The following B3GLCT variants were observed in gnomAD, a reference collection of about 807,000 sequenced individuals.
B3GLCT encodes beta-1,3-glucosyltransferase.
Under a neutral mutation model 63.4 loss-of-function variants are expected in B3GLCT, and 65 were observed. The ratio of observed to expected loss-of-function variants is 1.03; its 90% CI spans 0.84 to 1.26. The LOEUF is 1.26. Ranked by LOEUF, B3GLCT falls within the 50% of genes most tolerant of loss-of-function variation. B3GLCT has a pLI of 0.00. For missense variants in B3GLCT, 577 were observed against 604.8 expected (o/e 0.95, Z 0.48); for synonymous variants, 233 against 219.2 (o/e 1.06, Z -0.55).
At position 31,255,246 on chromosome 13, in the gene B3GLCT, G is replaced by A. The variant is rs575116338; in HGVS notation, c.460-5700G>A. ...ATACATAGGAATACAACTTACAAGG[G>A]ATGTGAAGGGCCTCTTCAAGCAGAA... On this transcript the variant is annotated intron_variant, in intron 6 of 14. Transcript: ENST00000343307. Among the ~76,000 whole-genome samples the A allele has an allele frequency of 2.0e-5, 3 of 152,198 alleles. No individual in the cohort carries two copies. In the East Asian group the frequency reaches 5.8e-4, roughly 29 times the overall value.
At chr13:31,205,357 G>T (rs1179207382) in intron 1 of B3GLCT, among the ~76,000 whole-genome samples, 1 of 151,830 alleles carries the variant, frequency 6.6e-6, no homozygotes, top group East Asian at 1.9e-4. Flanking sequence ...AGGAGTTCAG[G>T]ACCAGCCTGG....
At chr13:31,225,098 A>G (rs1438624495) in intron 3 of B3GLCT, among the ~76,000 whole-genome samples, 1 of 152,154 alleles carries the variant, frequency 6.6e-6, no homozygotes, top group Non-Finnish European at 1.5e-5. Context: ...ATCCTTTGCT[A>G]ATTTCTTTAT....
intron 12 of B3GLCT, among the ~76,000 whole-genome samples, chr13:31,293,372 C>T (rs1481012776): frequency 1.3e-5 from 2 of 152,056 alleles, no homozygotes; most frequent in African/African-American, 4.8e-5. Flanking sequence ...TTTTCTGTCT[C>T]GTTGATCTGT....
At chr13:31,260,639 A>C (rs1245123434) in intron 6 of B3GLCT, among the ~76,000 whole-genome samples, 1 of 152,230 alleles carries the variant, frequency 6.6e-6, no homozygotes, top group East Asian at 1.9e-4. Flanking sequence ...TCTTTGCCCT[A>C]ATAGTCTTTT....
chr13:31,212,136 C>T (rs564533235), intron 1 of B3GLCT, among the ~76,000 whole-genome samples: 2 of 151,504 alleles, frequency 1.3e-5, no homozygotes, highest in Admixed American at 6.6e-5. Context: ...GACAGAGTCT[C>T]GCTCTTGTCC....
chr13:31,207,845 T>G (rs1407541297), intron 1 of B3GLCT, among the ~76,000 whole-genome samples: 1 of 152,228 alleles, frequency 6.6e-6, no homozygotes, highest in Non-Finnish European at 1.5e-5. Context: ...TGAATTGTCC[T>G]GGCATCTTTC....
intron 7 of B3GLCT, among the ~76,000 whole-genome samples, chr13:31,264,481 G>A (rs1872196639): frequency 6.6e-6 from 1 of 151,164 alleles, no homozygotes; most frequent in African/African-American, 2.4e-5. Flanking sequence ...CCTCTGCCAG[G>A]AAAAAAAAGC....
chr13:31,329,419 C>G (rs1405600653), intron 14 of B3GLCT, 82 bp from the exon 15 acceptor site: 26 of 1,488,516 alleles, frequency 1.7e-5, no homozygotes, highest in Non-Finnish European at 2.2e-5. Context: ...GTAAAGCAGT[C>G]CACTTTATAA....
chr13:31,325,706 T>C (rs1158797435), intron 14 of B3GLCT, among the ~76,000 whole-genome samples: 1 of 152,240 alleles, frequency 6.6e-6, no homozygotes, highest in Admixed American at 6.5e-5. Context: ...CTTAAGCCTC[T>C]TTTAGAGAGT....
rs557908375 is a variant in B3GLCT at position 31,330,874 on chromosome 13, T to C, written c.*1206T>C. 24 of 152,342 alleles carry C rather than the reference T, an allele frequency of 1.6e-4. No homozygotes were observed. Among genetic ancestry groups the C allele is most frequent in the African/African-American group, 5.5e-4 (23 of 41,584 alleles). The allele number at this position is 152,342 out of a possible 1,614,324, so 9.4% of individuals were successfully genotyped here. A position where few individuals can be genotyped will look rare whatever the true frequency, so the allele number is the denominator to read the frequency against. The stretch of plus-strand genomic sequence containing the variant: ...AAAACTGTTACTCATTAACTTTGCT[T>C]ATAATGCTTTTTATAGCCCAGCACA... On this transcript the variant is annotated 3_prime_UTR_variant, in exon 15 of 15. Transcript: ENST00000343307.
intron 4 of B3GLCT, among the ~76,000 whole-genome samples, chr13:31,234,011 T>TC (rs1364299754): frequency 1.3e-5 from 2 of 150,976 alleles, no homozygotes; most frequent in South Asian, 2.1e-4. Flanking sequence ...GTTTTTCTTT[T>TC]TTTTTTTTCT....
intron 12 of B3GLCT, among the ~76,000 whole-genome samples, chr13:31,316,979 A>G (rs1411100669): frequency 6.6e-6 from 1 of 152,160 alleles, no homozygotes; most frequent in Non-Finnish European, 1.5e-5. Context: ...AGACACAAAA[A>G]GTTCTCAGAC....
Position 31,269,230 on chromosome 13 carries a change from A to T in B3GLCT, c.613A>T (p.Lys205Ter). 6.2e-7 allele frequency: 1 copy of T among 1,610,118 alleles called. No homozygotes were observed. The highest frequency in any genetic ancestry group is 8.5e-7 in the Non-Finnish European group (1 of 1,176,576). The change falls in exon 8 of 15, where the codon AAG becomes TAG. Residue 205 changes from lysine (K) to a stop codon, truncating the protein, a stop_gained. Transcript: ENST00000343307. LOFTEE classifies it high-confidence loss of function. ...ATTTTCTAGGCTTACCAAGAGACTA[A>T]AGAGTGAATCCTTGAAATCCGACTT... is the stretch of plus-strand genomic sequence containing the variant. Reference protein sequence around the residue: ...PLVNKLTKRLKSESLKSDFTI... With the variant: ...PLVNKLTKRL
intron 10 of B3GLCT, among the ~76,000 whole-genome samples, chr13:31,279,570 C>T (rs1328841195): frequency 1.3e-5 from 2 of 152,110 alleles, no homozygotes; most frequent in African/African-American, 2.4e-5. Context: ...ACAGAGATCA[C>T]TTGCTTCACA....
intron 6 of B3GLCT, among the ~76,000 whole-genome samples, chr13:31,259,640 C>T (rs1213950922): frequency 6.6e-6 from 1 of 151,726 alleles, no homozygotes; most frequent in African/African-American, 2.4e-5. Flanking sequence ...TCAAGGTCTC[C>T]AGCTCCAGAC....
At chr13:31,222,673 A>G (rs1265570605) in intron 2 of B3GLCT, among the ~76,000 whole-genome samples, 1 of 152,230 alleles carries the variant, frequency 6.6e-6, no homozygotes, top group East Asian at 1.9e-4. Flanking sequence ...CATCTTACAC[A>G]ATAGGAAAGA....
At chr13:31,268,786 C>T (rs1872447958) in intron 7 of B3GLCT, among the ~76,000 whole-genome samples, 2 of 152,136 alleles carry the variant, frequency 1.3e-5, no homozygotes, top group African/African-American at 4.8e-5. Context: ...AAAACAAAAC[C>T]ACATGCTTTT....
rs1339549418 is a variant in B3GLCT at position 31,331,523 on chromosome 13, G to T, written c.*1855G>T. The T allele has an allele frequency of 7.4e-6, 1 of 135,766 alleles. No individual in the cohort carries two copies. Among genetic ancestry groups the T allele is most frequent in the Non-Finnish European group, 1.5e-5 (1 of 65,662 alleles). 8.4% of individuals were successfully genotyped at this position (135,766 alleles called of 1,614,324 possible). On this transcript the variant is annotated 3_prime_UTR_variant, in exon 15 of 15. Coordinates refer to ENST00000343307, the MANE Select transcript of B3GLCT (RefSeq NM_194318.4). Reference sequence around the variant, plus strand: ...CCACAAGTAAAAGATCTTTGCCTAAGTTTTTGATTTCTCAAATATTGTGTT... The same window carrying T: ...CCACAAGTAAAAGATCTTTGCCTAATTTTTTGATTTCTCAAATATTGTGTT...
intron 12 of B3GLCT, among the ~76,000 whole-genome samples, chr13:31,314,198 C>T (rs1874873720): frequency 6.6e-6 from 1 of 152,192 alleles, no homozygotes; most frequent in Admixed American, 6.5e-5. Flanking sequence ...TCAGAGCCCC[C>T]ACACAGAGTC....
Sources: allele counts gnomAD v4.1 joint callset (sites outside exome capture counted in the v4.1 genomes callset), GRCh38; gene constraint gnomAD v4.1.1; transcripts MANE v1.5; gene names NCBI Gene and HGNC (gene_info 2026-07-23, HGNC 2026-07-21).